The following SLC6A6 variants were observed in gnomAD, a reference collection of about 807,000 sequenced individuals.
The protein encoded by SLC6A6 is sodium- and chloride-dependent taurine transporter.
A neutral mutation model predicts 68.8 loss-of-function variants in SLC6A6; 16 were observed. The ratio of observed to expected loss-of-function variants is 0.23; its 90% CI spans 0.16 to 0.35. The LOEUF (loss-of-function observed/expected upper bound fraction) is 0.35, where lower values mean the gene tolerates loss of function less well. Among genes scored for constraint, SLC6A6 ranks in the 10% least tolerant of loss-of-function variants. SLC6A6 has a pLI of 1.00. For missense variants in SLC6A6, 474 were observed against 802.8 expected (o/e 0.59, Z 4.95); for synonymous variants, 312 against 315.4 (o/e 0.99, Z 0.12).
At chr3:14,469,112 A>G (rs1700694751) in intron 9 of SLC6A6, among the ~76,000 whole-genome samples, 1 of 152,108 alleles carries the variant, frequency 6.6e-6, no homozygotes, top group African/African-American at 2.4e-5. Context: ...GGCTCCCAGG[A>G]TCCTCAAAGT....
chr3:14,474,175 ATC>A (rs1235315287), intron 10 of SLC6A6, among the ~76,000 whole-genome samples: 1 of 152,198 alleles, frequency 6.6e-6, no homozygotes, highest in African/African-American at 2.4e-5. Context: ...CAGGATGGGA[ATC>A]TGATCGCACA....
chr3:14,444,520 G>C (rs73132945), intron 3 of SLC6A6, among the ~76,000 whole-genome samples: 1,721 of 152,260 alleles, frequency 0.011, 38 homozygotes, highest in African/African-American at 0.039. Context: ...CTGTTACGGG[G>C]TTGTGTTGAG....
chr3:14,447,826 C>T lies in SLC6A6; in HGVS notation c.599+10C>T. The T allele has an allele frequency of 1.2e-6, 2 of 1,614,042 alleles. No homozygotes were observed. Among genetic ancestry groups the T allele is most frequent in the Non-Finnish European group, 1.7e-6 (2 of 1,179,942 alleles). On this transcript the variant is annotated intron_variant, in intron 5 of 14. Transcript: ENST00000622186. ...TCATCGAGTTCTGGGAGTAAGGCCA[C>T]CTCATTGAAGCAAGGAGGAGGACAT...
At chr3:14,410,784 CA>C (rs1553566800) in intron 1 of SLC6A6, among the ~76,000 whole-genome samples, 1 of 152,232 alleles carries the variant, frequency 6.6e-6, no homozygotes, top group Non-Finnish European at 1.5e-5. Context: ...CCAAGTGACT[CA>C]CTGTCATGTT....
At chr3:14,426,935 G>A (rs1005608382) in intron 2 of SLC6A6, among the ~76,000 whole-genome samples, 1 of 152,152 alleles carries the variant, frequency 6.6e-6, no homozygotes, top group Non-Finnish European at 1.5e-5. Context: ...GGCGATGGGG[G>A]TTCTGTGATA....
chr3:14,412,941 C>T (rs897724193), intron 1 of SLC6A6, among the ~76,000 whole-genome samples: 2 of 152,228 alleles, frequency 1.3e-5, no homozygotes, highest in African/African-American at 2.4e-5. Context: ...GCTGGGCCAG[C>T]GCCACCTTGG....
rs191012842 is a variant in SLC6A6 at position 14,478,243 on chromosome 3, G to A, written c.1348-223G>A. 4.1e-4 allele frequency among the ~76,000 whole-genome samples: 62 copies of A among 152,306 alleles called. No individual in the cohort carries two copies. In the East Asian group the frequency reaches 6.9e-3, roughly 17 times the overall value. On this transcript the variant is annotated intron_variant, in intron 11 of 14. Transcript: ENST00000622186. ...GCACCTCCTTGGGAAGCAGGCTCCC[G>A]TGGACCCATCATTTTGCTTTCATTT... is the stretch of plus-strand genomic sequence containing the variant.
intron 2 of SLC6A6, among the ~76,000 whole-genome samples, chr3:14,438,427 G>A (rs1699908742): frequency 1.3e-5 from 2 of 152,180 alleles, no homozygotes; most frequent in Non-Finnish European, 2.9e-5. Context: ...GCTCTGGAAT[G>A]GGCAGAAAAG....
At chr3:14,458,801 C>T (rs184318847) in intron 6 of SLC6A6, among the ~76,000 whole-genome samples, 86 of 152,342 alleles carry the variant, frequency 5.6e-4, no homozygotes, top group African/African-American at 1.9e-3. Flanking sequence ...AGGGTGTTAG[C>T]TGTTAACCAA....
chr3:14,477,134 T>A lies in SLC6A6; in HGVS notation c.1210-71T>A. On this transcript the variant is annotated intron_variant, in intron 10 of 14. Coordinates refer to ENST00000622186, the MANE Select transcript of SLC6A6 (RefSeq NM_003043.6). The surrounding 1 kb of genome is among the most constrained non-coding windows in gnomAD (Gnocchi z 4.2). ...CCTGCATTGTGTGTTCCTGGGCCCT[T>A]CCCTCCGAGCAGCAGGCAAGGGTGG... The A allele has an allele frequency of 6.8e-7, 1 of 1,463,264 alleles. No homozygotes were observed. Among genetic ancestry groups the A allele is most frequent in the African/African-American group, 1.4e-5 (1 of 71,978 alleles). The allele number at this position is 1,463,264 out of a possible 1,614,324, so 90.6% of individuals were successfully genotyped here.
intron 2 of SLC6A6, among the ~76,000 whole-genome samples, chr3:14,424,683 G>A (rs1699552159): frequency 6.6e-6 from 1 of 152,204 alleles, no homozygotes; most frequent in Non-Finnish European, 1.5e-5. Context: ...CCCCTTAAAG[G>A]TAGTGCTTGT....
chr3:14,446,000 G>A, intron 4 of SLC6A6, 149 bp downstream of exon 4: 1 of 778,694 alleles, frequency 1.3e-6, no homozygotes, highest in Non-Finnish European at 2.1e-6. Flanking sequence ...TACAGTACCA[G>A]TGTGATGCGG....
chr3:14,421,587 T>A (rs1214771247), intron 2 of SLC6A6, among the ~76,000 whole-genome samples: 1 of 152,236 alleles, frequency 6.6e-6, no homozygotes, highest in Non-Finnish European at 1.5e-5. Context: ...GCTCGTAGTA[T>A]TGTGATTATG....
At chr3:14,475,127 G>T (rs1356541296) in intron 10 of SLC6A6, among the ~76,000 whole-genome samples, 45 of 152,228 alleles carry the variant, frequency 3.0e-4, no homozygotes, top group Admixed American at 2.9e-3. Flanking sequence ...TGCCTCCTGG[G>T]TTCAAGTGAT....
At chr3:14,417,884 T>G (rs1464331486) in intron 2 of SLC6A6, among the ~76,000 whole-genome samples, 1 of 152,224 alleles carries the variant, frequency 6.6e-6, no homozygotes. Flanking sequence ...AGCAGCCTTA[T>G]TTTTCTTTTA....
intron 2 of SLC6A6, among the ~76,000 whole-genome samples, chr3:14,439,270 T>C (rs6790433): frequency 0.29 from 43,804 of 152,158 alleles, 6,412 homozygotes; most frequent in African/African-American, 0.34. Context: ...TACCAAAGTC[T>C]CTTCCACAAT....
chr3:14,485,795 A>G lies in SLC6A6; in HGVS notation c.*788A>G, dbSNP rs1159732263. 2 of 152,404 alleles carry G rather than the reference A, an allele frequency of 1.3e-5. No homozygotes were observed. Among genetic ancestry groups the G allele is most frequent in the Non-Finnish European group, 2.9e-5 (2 of 68,058 alleles). The allele number at this position is 152,404 out of a possible 1,614,324, so 9.4% of individuals were successfully genotyped here. On this transcript the variant is annotated 3_prime_UTR_variant, in exon 15 of 15. Coordinates refer to ENST00000622186, the MANE Select transcript of SLC6A6 (RefSeq NM_003043.6). ...TTGAGATGGTGAGTGGATAGTCAGT[A>G]GACCGTCAGAACCACTGGCCAGAGA...
chr3:14,423,018 C>G (rs1284631968), intron 2 of SLC6A6, among the ~76,000 whole-genome samples: 2 of 152,212 alleles, frequency 1.3e-5, no homozygotes, highest in African/African-American at 4.8e-5. Flanking sequence ...GAATCCAAGA[C>G]TGGGTCCACA....
At chr3:14,405,485 G>A (rs986877750) in intron 1 of SLC6A6, among the ~76,000 whole-genome samples, 3 of 152,230 alleles carry the variant, frequency 2.0e-5, no homozygotes, top group African/African-American at 7.2e-5. Flanking sequence ...TAAATTATAA[G>A]GGCTCCCCAG....
Sources: allele counts gnomAD v4.1 joint callset (sites outside exome capture counted in the v4.1 genomes callset), GRCh38; gene constraint gnomAD v4.1.1; non-coding constraint Gnocchi (gnomAD v3.1); transcripts MANE v1.5; gene names NCBI Gene and HGNC (gene_info 2026-07-23, HGNC 2026-07-21).